The following RIF1 variants were observed in gnomAD, a reference collection of about 807,000 sequenced individuals.
RIF1 encodes telomere-associated protein RIF1.
In RIF1, 45 loss-of-function variants were observed where a neutral mutation model predicts 247.1. The ratio of observed to expected loss-of-function variants is 0.18; its 90% CI spans 0.14 to 0.23. RIF1 has a LOEUF of 0.23. Among genes scored for constraint, RIF1 ranks in the 10% least tolerant of loss-of-function variants. The probability of loss-of-function intolerance (pLI) is 1.00; values close to 1 mark genes in which losing one functional copy is unlikely to be tolerated. For synonymous variants in RIF1, 1,087 were observed against 978.8 expected (o/e 1.11, Z -2.06); for missense variants, 2,967 against 2,862.5 (o/e 1.04, Z -0.83).
At chr2:151,482,895 G>A (rs1019290257), downstream of RIF1, among the ~76,000 whole-genome samples, 1 of 152,124 alleles carries the variant, frequency 6.6e-6, no homozygotes, top group Non-Finnish European at 1.5e-5. Flanking sequence ...TTGGTGGTGT[G>A]CTGGCCATTT....
the RIF1 span, chr2:151,526,961 T>C: frequency 6.2e-7 from 1 of 1,604,498 alleles, no homozygotes; most frequent in Non-Finnish European, 8.5e-7. Flanking sequence ...CACCGTGTTT[T>C]TGTCATCAGT....
At chr2:151,420,464 T>C (rs1000310220) in intron 7 of RIF1, 85 bp downstream of exon 7, 1 of 1,332,564 alleles carries the variant, frequency 7.5e-7, no homozygotes, top group Non-Finnish European at 1.0e-6. Flanking sequence ...GGTGGCCAGG[T>C]ACGGTGGCTC....
chr2:151,410,557 G>T (rs1407221091), intron 2 of RIF1, 30 bp downstream of exon 2: 2 of 1,567,324 alleles, frequency 1.3e-6, no homozygotes, highest in South Asian at 1.1e-5. Flanking sequence ...GTAGCGGAGA[G>T]TGGGGCGCTC....
At chr2:151,456,705 C>A in intron 23 of RIF1, 85 bp downstream of exon 23, 1 of 814,264 alleles carries the variant, frequency 1.2e-6, no homozygotes, top group Non-Finnish European at 1.9e-6. Flanking sequence ...CATAATTCTG[C>A]TGATTTTTAA....
rs149277328 is a variant in RIF1, at chr2:151,424,646, A to C, written c.786+1604A>C. Among the ~76,000 whole-genome samples the C allele has an allele frequency of 4.6e-5, 7 of 151,886 alleles. No individual in the cohort carries two copies. The East Asian group carries it at 9.7e-4, about 21-fold the overall frequency. On this transcript the variant is annotated intron_variant, in intron 8 of 35. Transcript: ENST00000444746. ...AATTGCTGGGTTATGTAGTAGTTCT[A>C]TGCTTAACTTTTTGAGAAAGCTCCA...
chr2:151,414,067 T>C (rs1299778047), intron 3 of RIF1, among the ~76,000 whole-genome samples: 3 of 152,220 alleles, frequency 2.0e-5, no homozygotes, highest in African/African-American at 7.2e-5. Context: ...ATCCCAGCAC[T>C]TTGGGAGGCC....
chr2:151,410,392 C>T (rs1175077196), intron 1 of RIF1, 22 bp from the exon 2 acceptor site: 3 of 1,594,140 alleles, frequency 1.9e-6, no homozygotes, highest in Non-Finnish European at 2.6e-6. Flanking sequence ...TGGATTTTCT[C>T]CTCTTCCGGT....
chr2:151,468,320 G>A (rs546259692), intron 31 of RIF1, among the ~76,000 whole-genome samples, 154 bp from the exon 32 acceptor site: 1 of 152,318 alleles, frequency 6.6e-6, no homozygotes, highest in South Asian at 2.1e-4. Flanking sequence ...GTAAGAGGCA[G>A]TAATGATCCA....
intron 30 of RIF1, among the ~76,000 whole-genome samples, chr2:151,467,408 G>A (rs559623608): frequency 2.3e-4 from 35 of 151,890 alleles, no homozygotes; most frequent in African/African-American, 5.8e-4. Flanking sequence ...GCAGTGGCAC[G>A]ATCTTGGCTC....
chr2:151,475,252 A>G lies in RIF1; in HGVS notation c.*181A>G. The G allele has an allele frequency of 1.7e-6, 1 of 571,614 alleles. No individual in the cohort carries two copies. The highest frequency in any genetic ancestry group is 3.1e-6 in the Non-Finnish European group (1 of 327,180). The allele number at this position is 571,614 out of a possible 1,614,324, so 35.4% of individuals were successfully genotyped here. Reference sequence around the variant, plus strand: ...CAATTTTGTAAGTTCATTATGTAAGATCCTTTTTTTTTTCATAATATGTAT... The same window carrying G: ...CAATTTTGTAAGTTCATTATGTAAGGTCCTTTTTTTTTTCATAATATGTAT... On this transcript the variant is annotated 3_prime_UTR_variant, in exon 36 of 36. Coordinates refer to ENST00000444746, the MANE Select transcript of RIF1 (RefSeq NM_018151.5).
chr2:151,443,378 T>C (rs538325719), intron 17 of RIF1, 49 bp downstream of exon 17: 1 of 1,361,616 alleles, frequency 7.3e-7, no homozygotes, highest in Admixed American at 2.0e-5. Flanking sequence ...GGTTATGTAA[T>C]GAATGAGATT....
At chr2:151,454,104 G>A (rs898135112) in intron 21 of RIF1, among the ~76,000 whole-genome samples, 1 of 152,142 alleles carries the variant, frequency 6.6e-6, no homozygotes, top group Admixed American at 6.5e-5. Context: ...CAAGGAGAAA[G>A]ATCAACTTCC....
chr2:151,456,250 A>C (rs1471388275), intron 22 of RIF1, among the ~76,000 whole-genome samples: 1 of 152,222 alleles, frequency 6.6e-6, no homozygotes, highest in African/African-American at 2.4e-5. Context: ...ACAACCTCCA[A>C]ATCCATGAAC....
chr2:151,447,425 CTT>C (rs749257921), intron 20 of RIF1, among the ~76,000 whole-genome samples: 13 of 152,212 alleles, frequency 8.5e-5, no homozygotes, highest in Non-Finnish European at 1.9e-4. Flanking sequence ...AATTATGTAA[CTT>C]TTCGTAAAAC....
the RIF1 span, chr2:151,527,448 C>T: frequency 8.4e-4 from 1,192 of 1,417,134 alleles, 7 homozygotes; most frequent in African/African-American, 0.015. Context: ...GTGCAGTATG[C>T]AGTTACAATC....
chr2:151,447,157 A>T (rs1332031161), intron 20 of RIF1, among the ~76,000 whole-genome samples: 1 of 151,400 alleles, frequency 6.6e-6, no homozygotes, highest in Non-Finnish European at 1.5e-5. Context: ...GTTAGCCAGG[A>T]TGGTCTCGAT....
chr2:151,416,987 C>A, intron 6 of RIF1, 86 bp downstream of exon 6: 65 of 946,262 alleles, frequency 6.9e-5, no homozygotes, highest in East Asian at 1.0e-4. Context: ...AAATGAGAGA[C>A]AGACATTAAA....
At chr2:151,516,496 T>A in the RIF1 span, 1 of 1,613,422 alleles carries the variant, frequency 6.2e-7, no homozygotes, top group Non-Finnish European at 8.5e-7. Context: ...GGCAGTGATG[T>A]ACGTTGGTGT....
rs566059908 is a variant in RIF1 at position 151,498,965 on chromosome 2, A to G, written c.*514-380A>G. ...AAAGGTTAGAATAAGAAACGAGGAT[A>G]ATAGTCGGATCTTTGCAAAATACAT... On this transcript the variant is annotated intron_variant and NMD_transcript_variant, in intron 10 of 13. Transcript: ENST00000454583. Among the ~76,000 whole-genome samples, 3 of 152,312 alleles carry G rather than the reference A, an allele frequency of 2.0e-5. No individual in the cohort carries two copies. The South Asian group carries it at 6.2e-4, about 32-fold the overall frequency.
Sources: gnomAD v4.1 joint callset for allele counts (sites outside exome capture counted in the v4.1 genomes callset) on GRCh38, gnomAD v4.1.1 for gene constraint, MANE v1.5 for transcripts, NCBI Gene and HGNC (gene_info 2026-07-23, HGNC 2026-07-21) for gene names.